Variants in GRIA1 observed in about 807,000 individuals in gnomAD.
The protein encoded by GRIA1 is glutamate receptor 1.
GRIA1 carries 31 observed loss-of-function variants against 99.2 expected under a neutral mutation model. The ratio of observed to expected loss-of-function variants is 0.31; its 90% CI spans 0.23 to 0.42. GRIA1 has a LOEUF of 0.42. GRIA1 is among the 10% of genes least tolerant of loss of function. The probability of loss-of-function intolerance (pLI) is 1.00; values close to 1 mark genes in which losing one functional copy is unlikely to be tolerated. For missense variants in GRIA1, 782 were observed against 1,157.5 expected (o/e 0.68, Z 4.71); for synonymous variants, 438 against 432.4 (o/e 1.01, Z -0.16).
At chr5:153,675,247 T>C (rs1756487253) in intron 6 of GRIA1, among the ~76,000 whole-genome samples, 1 of 152,170 alleles carries the variant, frequency 6.6e-6, no homozygotes, top group African/African-American at 2.4e-5. Context: ...GCTCATTTCA[T>C]TGTAGATTGA....
At chr5:153,752,003 C>T (rs1052241458) in intron 11 of GRIA1, among the ~76,000 whole-genome samples, 1 of 152,276 alleles carries the variant, frequency 6.6e-6, no homozygotes, top group African/African-American at 2.4e-5. Flanking sequence ...GCAGTCAGCC[C>T]GCCCCTTCCC....
At chr5:153,767,840 A>G (rs910958960) in intron 12 of GRIA1, among the ~76,000 whole-genome samples, 1 of 152,162 alleles carries the variant, frequency 6.6e-6, no homozygotes. Context: ...TATGCTTCCA[A>G]TCTTCCCTGC....
At chr5:153,756,341 G>A (rs1289086034) in intron 11 of GRIA1, among the ~76,000 whole-genome samples, 2 of 152,166 alleles carry the variant, frequency 1.3e-5, no homozygotes, top group East Asian at 1.9e-4. Context: ...CTGGGCTACT[G>A]GGGTGAGCTC....
Position 153,689,703 on chromosome 5 carries a change from T to C in GRIA1, c.1134+3374T>C, listed in dbSNP as rs190306822. Among the ~76,000 whole-genome samples, 35 of 152,308 alleles carry C rather than the reference T, an allele frequency of 2.3e-4. 1 individual carries two copies. The East Asian group carries it at 5.6e-3, about 24-fold the overall frequency. Reference sequence around the variant, plus strand: ...TGAGAGACATTGGGCTGTGCAAACCTTAATTCCTCTCAGCTCTGACACCTT... The same window carrying C: ...TGAGAGACATTGGGCTGTGCAAACCCTAATTCCTCTCAGCTCTGACACCTT... On this transcript the variant is annotated intron_variant, in intron 8 of 15. Transcript: ENST00000285900.
chr5:153,585,509 A>G (rs960149822), intron 2 of GRIA1, among the ~76,000 whole-genome samples: 3 of 151,660 alleles, frequency 2.0e-5, no homozygotes. Context: ...GGGTTTCACC[A>G]TATTGGTCAG....
intron 2 of GRIA1, among the ~76,000 whole-genome samples, chr5:153,554,104 C>T (rs1760398411): frequency 6.6e-6 from 1 of 152,138 alleles, no homozygotes. Context: ...CTGTGAGCTT[C>T]TTTGATGGGT....
intron 13 of GRIA1, among the ~76,000 whole-genome samples, chr5:153,771,823 T>A (rs1763900734): frequency 6.6e-6 from 1 of 151,980 alleles, no homozygotes; most frequent in South Asian, 2.1e-4. Context: ...TTATAAATTA[T>A]GTGACAATCT....
At chr5:153,803,016 C>T (rs991344767) in intron 15 of GRIA1, among the ~76,000 whole-genome samples, 23 of 152,230 alleles carry the variant, frequency 1.5e-4, no homozygotes, top group African/African-American at 4.6e-4. Flanking sequence ...ATGTAGCTAA[C>T]GGGAACTGGA....
chr5:153,615,888 G>C (rs992139483), intron 2 of GRIA1, among the ~76,000 whole-genome samples: 1 of 152,282 alleles, frequency 6.6e-6, no homozygotes, highest in East Asian at 1.9e-4. Context: ...TTTGAACTCA[G>C]GTCGGTTTGA....
chr5:153,739,612 G>T (rs1046157161), intron 11 of GRIA1, among the ~76,000 whole-genome samples: 5 of 152,086 alleles, frequency 3.3e-5, no homozygotes, highest in Non-Finnish European at 7.4e-5. Context: ...ATTCCCACTG[G>T]GTCAAGAGCA....
chr5:153,742,335 CCACT>C (rs1761864930), intron 11 of GRIA1, among the ~76,000 whole-genome samples: 1 of 152,180 alleles, frequency 6.6e-6, no homozygotes, highest in Non-Finnish European at 1.5e-5. Flanking sequence ...GCATAGGTTA[CCACT>C]CACTCTGTCA....
chr5:153,795,672 G>C lies in GRIA1; in HGVS notation c.2385+937G>C, dbSNP rs1002637875. ...ACAGTGTCCTCCGAGCCTCAGAGAG[G>C]CTTGGAGGCCTTAGAGAGCTGGGCC... On this transcript the variant is annotated intron_variant, in intron 14 of 15. Coordinates refer to ENST00000285900, the MANE Select transcript of GRIA1 (RefSeq NM_000827.4). 1.7e-5 allele frequency: 13 copies of C among 775,522 alleles called. No homozygotes were observed. In the African/African-American group the frequency reaches 2.3e-4, roughly 14 times the overall value. 48.0% of individuals were successfully genotyped at this position (775,522 alleles called of 1,614,324 possible).
intron 8 of GRIA1, among the ~76,000 whole-genome samples, chr5:153,689,776 C>A (rs569006362): frequency 6.6e-6 from 1 of 152,312 alleles, no homozygotes; most frequent in East Asian, 1.9e-4. Context: ...TCCCTACTCA[C>A]ATTGTTCCTC....
At chr5:153,738,818 GT>G (rs1280417249) in intron 11 of GRIA1, among the ~76,000 whole-genome samples, 1 of 146,800 alleles carries the variant, frequency 6.8e-6, no homozygotes, top group African/African-American at 2.5e-5. Context: ...CGCCTCCCAG[GT>G]TCAAGTGATT....
At chr5:153,810,362 T>C (rs1766733291) in intron 15 of GRIA1, among the ~76,000 whole-genome samples, 1 of 152,230 alleles carries the variant, frequency 6.6e-6, no homozygotes. Flanking sequence ...TATTGTATTA[T>C]TCAAACGAGT....
chr5:153,790,637 T>C (rs1366222830), intron 13 of GRIA1, among the ~76,000 whole-genome samples: 1 of 152,154 alleles, frequency 6.6e-6, no homozygotes, highest in African/African-American at 2.4e-5. Flanking sequence ...AAGACTTCCT[T>C]TCATTCTTTA....
At chr5:153,545,990 A>G (rs1759582684) in intron 2 of GRIA1, among the ~76,000 whole-genome samples, 2 of 152,206 alleles carry the variant, frequency 1.3e-5, no homozygotes, top group Non-Finnish European at 2.9e-5. Flanking sequence ...CCCTATTGGG[A>G]ACAAAGTGAG....
chr5:153,798,519 T>A (rs765701633), intron 14 of GRIA1, among the ~76,000 whole-genome samples: 6 of 152,170 alleles, frequency 3.9e-5, no homozygotes, highest in African/African-American at 1.4e-4. Context: ...GAAGCAAAAC[T>A]GCTTTTGCTT....
chr5:153,609,963 TTTA>T (rs1765837149), intron 2 of GRIA1, among the ~76,000 whole-genome samples: 1 of 152,190 alleles, frequency 6.6e-6, no homozygotes, highest in Non-Finnish European at 1.5e-5. Flanking sequence ...GGTTAACTAT[TTTA>T]TTATTTTGCT....
Sources: gnomAD v4.1 joint callset for allele counts (sites outside exome capture counted in the v4.1 genomes callset) on GRCh38, gnomAD v4.1.1 for gene constraint, MANE v1.5 for transcripts, NCBI Gene and HGNC (gene_info 2026-07-23, HGNC 2026-07-21) for gene names.